The following PCYT1B variants were observed in gnomAD, a reference collection of about 807,000 sequenced individuals.
PCYT1B encodes the protein phosphate cytidylyltransferase 1B, choline.
In PCYT1B, 10 loss-of-function variants were observed where a neutral mutation model predicts 26.4. The ratio of observed to expected loss-of-function variants is 0.38; its 90% CI spans 0.23 to 0.64. PCYT1B has a LOEUF of 0.64. PCYT1B is among the 30% of genes least tolerant of loss of function. The pLI, the probability that PCYT1B is intolerant of heterozygous loss-of-function variation, is 0.56. For missense variants in PCYT1B, 161 were observed against 292.7 expected (o/e 0.55, Z 3.28); for synonymous variants, 131 against 108.4 (o/e 1.21, Z -1.29).
intron 7 of PCYT1B, among the ~76,000 whole-genome samples, chrX:24,564,594 C>T (rs1310334725): frequency 1.8e-5 from 2 of 110,409 alleles, no homozygotes; most frequent in Non-Finnish European, 3.8e-5. Flanking sequence ...CCTCGTGATC[C>T]GCCCACTTTG....
In PCYT1B at chrX:24,647,288, T is replaced by C. The variant is rs770894097; in HGVS notation, c.-183A>G. 2.1e-6 allele frequency: 2 copies of C among 965,360 alleles called. No individual in the cohort carries two copies. Among genetic ancestry groups the C allele is most frequent in the East Asian group, 7.8e-5 (2 of 25,661 alleles). 79.6% of individuals were successfully genotyped at this position (965,360 alleles called of 1,213,427 possible). Reference sequence around the variant, plus strand: ...TACCCCCCGCCCCTCTCTCTCTCTCTCTCTCCCAGAAGCCAAGAGGCAAGG... The same window carrying C: ...TACCCCCCGCCCCTCTCTCTCTCTCCCTCTCCCAGAAGCCAAGAGGCAAGG... On this transcript the variant is annotated 5_prime_UTR_variant, in exon 1 of 8. Coordinates refer to ENST00000379144, the MANE Select transcript of PCYT1B (RefSeq NM_004845.5).
intron 2 of PCYT1B, 118 bp from the exon 3 acceptor site, chrX:24,607,979 T>C: frequency 2.3e-6 from 1 of 442,272 alleles, no homozygotes; most frequent in Middle Eastern, 3.5e-4. Flanking sequence ...ATCAGTTTCA[T>C]ATCAGTGCAC....
intron 1 of PCYT1B, among the ~76,000 whole-genome samples, chrX:24,667,151 G>A (rs1015811748): frequency 3.6e-5 from 4 of 110,400 alleles, no homozygotes; most frequent in Admixed American, 2.0e-4. Context: ...AAGATCAAGC[G>A]GAGAGCCAGA....
At chrX:24,577,845 C>T (rs1350766312) in intron 6 of PCYT1B, among the ~76,000 whole-genome samples, 1 of 111,895 alleles carries the variant, frequency 8.9e-6, no homozygotes, top group Non-Finnish European at 1.9e-5. Context: ...CGGCACCTCA[C>T]AGCCCAGGCA....
chrX:24,605,795 G>A (rs1440910343), intron 3 of PCYT1B, among the ~76,000 whole-genome samples: 1 of 111,113 alleles, frequency 9.0e-6, no homozygotes, highest in Non-Finnish European at 1.9e-5. Context: ...GGTGGCATGT[G>A]CCTGTAATCC....
intron 1 of PCYT1B, among the ~76,000 whole-genome samples, chrX:24,652,545 G>C (rs1187554042): frequency 9.4e-6 from 1 of 106,116 alleles, no homozygotes; most frequent in Non-Finnish European, 1.9e-5. Context: ...GGCGACAAGA[G>C]CGAAACTCCG....
intron 1 of PCYT1B, 81 bp from the exon 2 acceptor site, chrX:24,619,165 T>C (rs1457174724): frequency 3.0e-6 from 2 of 659,587 alleles, no homozygotes. Flanking sequence ...TTATTCCTGT[T>C]GGCTACACAG....
At chrX:24,566,511 A>T (rs1333344575) in intron 7 of PCYT1B, among the ~76,000 whole-genome samples, 1 of 111,909 alleles carries the variant, frequency 8.9e-6, no homozygotes, top group African/African-American at 3.2e-5. Context: ...TAACAGAGAG[A>T]CTGCTCTGGA....
chrX:24,637,026 G>T (rs895628143), intron 1 of PCYT1B, among the ~76,000 whole-genome samples: 1 of 111,258 alleles, frequency 9.0e-6, no homozygotes, highest in Non-Finnish European at 1.9e-5. Flanking sequence ...CCTAATACTA[G>T]TTTTTTTGGT....
At chrX:24,651,478 T>A (rs1389756701), upstream of PCYT1B, among the ~76,000 whole-genome samples, 703 of 15,797 alleles carry the variant, frequency 0.045, 14 homozygotes, top group Non-Finnish European at 0.062. Flanking sequence ...AAAAAATATA[T>A]ATATATATAT....
chrX:24,613,272 A>G (rs1300241497), intron 2 of PCYT1B, among the ~76,000 whole-genome samples: 1 of 112,247 alleles, frequency 8.9e-6, no homozygotes, highest in Non-Finnish European at 1.9e-5. Flanking sequence ...TGTATAACTG[A>G]TGTGCAAAAA....
chrX:24,642,337 A>G (rs1346787774), intron 1 of PCYT1B, among the ~76,000 whole-genome samples: 1 of 112,440 alleles, frequency 8.9e-6, no homozygotes, highest in Non-Finnish European at 1.9e-5. Context: ...GTTTTCTCTC[A>G]GTTATCTTCC....
intron 3 of PCYT1B, among the ~76,000 whole-genome samples, chrX:24,591,468 G>A (rs6629884): frequency 9.1e-6 from 1 of 110,486 alleles, no homozygotes; most frequent in East Asian, 2.8e-4. Flanking sequence ...CTGTCACCCA[G>A]GCTGGAGTTC....
intron 6 of PCYT1B, among the ~76,000 whole-genome samples, chrX:24,576,257 G>A (rs1489449007): frequency 8.9e-6 from 1 of 112,077 alleles, no homozygotes; most frequent in Non-Finnish European, 1.9e-5. Flanking sequence ...AAGGGGTAAG[G>A]CTTATCATTT....
At chrX:24,572,937 T>TATAC (rs1274157411) in intron 7 of PCYT1B, among the ~76,000 whole-genome samples, 1,727 of 103,115 alleles carry the variant, frequency 0.017, 38 homozygotes, top group African/African-American at 0.055. Flanking sequence ...TATATATATA[T>TATAC]ACACACACAC....
chrX:24,624,220 T>C (rs183444298), intron 1 of PCYT1B, among the ~76,000 whole-genome samples: 1,565 of 111,101 alleles, frequency 0.014, 12 homozygotes, highest in South Asian at 0.028. Flanking sequence ...CCGCCCGCCT[T>C]GGCCTCCCAA....
intron 1 of PCYT1B, among the ~76,000 whole-genome samples, chrX:24,663,569 G>T (rs1005630173): frequency 2.7e-5 from 3 of 112,090 alleles, no homozygotes; most frequent in Non-Finnish European, 5.6e-5. Flanking sequence ...ATAATTCCCT[G>T]GAAAATGTAG....
In PCYT1B at chrX:24,617,381, TTG is replaced by T. The variant is rs1329523599; in HGVS notation, c.217+1602_217+1603del. Among the ~76,000 whole-genome samples the T allele has an allele frequency of 3.1e-4, 31 of 100,605 alleles. 1 individual carries two copies. The highest frequency in any genetic ancestry group is 9.2e-4 in the African/African-American group (22 of 24,038). 87.4% of individuals were successfully genotyped at this position (100,605 alleles called of 115,157 possible). A position where few individuals can be genotyped will look rare whatever the true frequency, so the allele number is the denominator to read the frequency against. ...AAGTTTGGTTTGTTTGTTTTTTTTT[TTG>T]TTTGTTTTCTGCAATGGCAACTAGA... On this transcript the variant is annotated intron_variant, in intron 2 of 7. Coordinates refer to ENST00000379144, the MANE Select transcript of PCYT1B (RefSeq NM_004845.5).
At chrX:24,595,315 T>C (rs1924740698) in intron 3 of PCYT1B, among the ~76,000 whole-genome samples, 1 of 109,288 alleles carries the variant, frequency 9.2e-6, no homozygotes, top group African/African-American at 3.3e-5. Context: ...CAAATGTCTA[T>C]GGATCCCACA....
Sources: allele counts gnomAD v4.1 joint callset (sites outside exome capture counted in the v4.1 genomes callset), GRCh38; gene constraint gnomAD v4.1.1; transcripts MANE v1.5; gene names NCBI Gene and HGNC (gene_info 2026-07-23, HGNC 2026-07-21).